Variants in PAIP2 observed in about 807,000 individuals in gnomAD.
PAIP2 encodes the protein poly(A) binding protein interacting protein 2, also known as polyadenylate-binding protein-interacting protein 2.
In PAIP2, 7 loss-of-function variants were observed where a neutral mutation model predicts 14.8. The ratio of observed to expected loss-of-function variants is 0.47; its 90% CI spans 0.27 to 0.89. PAIP2 has a LOEUF of 0.89. PAIP2 is among the 40% of genes least tolerant of loss of function. The pLI is 0.13. For synonymous variants in PAIP2, 47 were observed against 45.3 expected, an observed-to-expected ratio of 1.04 and a Z score of -0.15; for missense variants, 122 against 154.7, an observed-to-expected ratio of 0.79 and a Z score of 1.12.
chr5:139,366,858 C>T (rs575682963), intron 3 of PAIP2, among the ~76,000 whole-genome samples: 2 of 152,128 alleles, frequency 1.3e-5, no homozygotes, highest in South Asian at 2.1e-4. Context: ...CCCAGGAGTT[C>T]GAGACCAGCC....
chr5:139,363,833 G>A lies in PAIP2; in HGVS notation c.49G>A (p.Asp17Asn), dbSNP rs1351214536. The A allele has an allele frequency of 6.2e-7, 1 of 1,614,068 alleles. No individual in the cohort carries two copies. The change falls in exon 2 of 4, where the codon GAT (aspartate) becomes AAT (asparagine). Residue 17 changes from aspartate (D) to asparagine (N), a missense_variant. By Grantham distance (23) the Asp-to-Asn change is conservative. Coordinates refer to ENST00000265192, the MANE Select transcript of PAIP2 (RefSeq NM_016480.5). ...TACTAGCCCAAGCATCATCAATGAA[G>A]ATGTGATTATTAACGGTCATTCTCA... Reference protein sequence around the residue: ...SSTSPSIINEDVIINGHSHED... With the variant: ...SSTSPSIINENVIINGHSHED...
intron 1 of PAIP2, among the ~76,000 whole-genome samples, chr5:139,352,515 G>GTTTTTTTTTTTC (rs1756776842): frequency 3.5e-5 from 1 of 28,912 alleles, no homozygotes; most frequent in Admixed American, 3.7e-4. Flanking sequence ...TTTTTTTTTT[G>GTTTTTTTTTTTC]AGATGGAGTT....
chr5:139,349,491 C>T (rs1358171894), intron 1 of PAIP2, among the ~76,000 whole-genome samples: 4 of 152,134 alleles, frequency 2.6e-5, no homozygotes, highest in African/African-American at 4.8e-5. Flanking sequence ...TTGTGATCCA[C>T]GCGCCTCAGC....
At chr5:139,355,261 T>G (rs550193800) in intron 1 of PAIP2, among the ~76,000 whole-genome samples, 4 of 151,138 alleles carry the variant, frequency 2.6e-5, no homozygotes, top group African/African-American at 9.7e-5. Context: ...CCTCCACTTC[T>G]TGGGTTCAAG....
chr5:139,355,905 C>T (rs1756895915), intron 1 of PAIP2, among the ~76,000 whole-genome samples: 2 of 149,184 alleles, frequency 1.3e-5, no homozygotes, highest in African/African-American at 5.0e-5. Flanking sequence ...AATCCTAGCA[C>T]TTTGGGAGGC....
At position 139,368,948 on chromosome 5, in the gene PAIP2, C is replaced by T. The variant is rs1328092278; in HGVS notation, c.*150C>T. 8.7e-6 allele frequency: 5 copies of T among 573,712 alleles called. No homozygotes were observed. The allele number at this position is 573,712 out of a possible 1,614,324, so 35.5% of individuals were successfully genotyped here. ...TAGTCTTGCATGCTTAATAAAAGTGCTGAGACTGTTACTAAGTAAAAAGCT... is the reference window on the plus strand; with the variant it reads ...TAGTCTTGCATGCTTAATAAAAGTGTTGAGACTGTTACTAAGTAAAAAGCT... On this transcript the variant is annotated 3_prime_UTR_variant, in exon 4 of 4. Coordinates refer to ENST00000265192, the MANE Select transcript of PAIP2 (RefSeq NM_016480.5).
chr5:139,368,206 TGG>T (rs1459103846), intron 3 of PAIP2, among the ~76,000 whole-genome samples: 1 of 151,890 alleles, frequency 6.6e-6, no homozygotes, highest in Non-Finnish European at 1.5e-5. Context: ...GGCGTGGCGG[TGG>T]GCGCCTGTAG....
chr5:139,350,192 A>AG (rs921013435), intron 1 of PAIP2, among the ~76,000 whole-genome samples: 4 of 151,744 alleles, frequency 2.6e-5, no homozygotes, highest in African/African-American at 9.7e-5. Context: ...AAAAAAAAAA[A>AG]GTTAATTCCT....
chr5:139,367,426 A>G (rs546815077), intron 3 of PAIP2: 2 of 152,308 alleles, frequency 1.3e-5, no homozygotes, highest in South Asian at 2.1e-4. Flanking sequence ...GAGACATAGC[A>G]TAACATTGGT....
intron 1 of PAIP2, among the ~76,000 whole-genome samples, chr5:139,345,515 A>G (rs1441739097): frequency 6.6e-6 from 1 of 152,196 alleles, no homozygotes; most frequent in African/African-American, 2.4e-5. Flanking sequence ...ATTAAAAAAT[A>G]TGCAAATAAG....
intron 1 of PAIP2, among the ~76,000 whole-genome samples, chr5:139,349,547 C>T (rs1453164930): frequency 6.6e-6 from 1 of 151,844 alleles, no homozygotes; most frequent in Non-Finnish European, 1.5e-5. Flanking sequence ...GCCTCCTGCC[C>T]TTGGAGTACA....
chr5:139,369,689 T>C lies in PAIP2; in HGVS notation c.*891T>C, dbSNP rs1757533352. 6.6e-6 allele frequency: 1 copy of C among 152,596 alleles called. No individual in the cohort carries two copies. Among genetic ancestry groups the C allele is most frequent in the Non-Finnish European group, 1.5e-5 (1 of 68,034 alleles). The allele number at this position is 152,596 out of a possible 1,614,324, so 9.5% of individuals were successfully genotyped here. A position where few individuals can be genotyped will look rare whatever the true frequency, so the allele number is the denominator to read the frequency against. ...AAAAAATTATATTTTTTCAAAAATA[T>C]TTAAAAAAATAAATAATAGTAGAAC... On this transcript the variant is annotated 3_prime_UTR_variant, in exon 4 of 4. Transcript: ENST00000265192.
chr5:139,350,144 C>G (rs1756682164), intron 1 of PAIP2, among the ~76,000 whole-genome samples: 1 of 149,674 alleles, frequency 6.7e-6, no homozygotes, highest in African/African-American at 2.5e-5. Flanking sequence ...CACTGCACTC[C>G]AGCCTGGGCA....
At chr5:139,347,268 CTTTTTTT>C (rs34018719) in intron 1 of PAIP2, among the ~76,000 whole-genome samples, 2 of 105,884 alleles carry the variant, frequency 1.9e-5, no homozygotes, top group African/African-American at 3.7e-5. Flanking sequence ...CATGTTACAA[CTTTTTTT>C]TTTTTTTTTT....
chr5:139,343,211 A>G (rs186602101), intron 1 of PAIP2: 31 of 152,342 alleles, frequency 2.0e-4, no homozygotes, highest in Admixed American at 1.8e-3. Context: ...TTTGGGGAAA[A>G]TTAGTCTGTT....
At chr5:139,364,097 A>T (rs2152054932) in intron 2 of PAIP2, 175 bp downstream of exon 2, 2 of 608,920 alleles carry the variant, frequency 3.3e-6, no homozygotes, top group Non-Finnish European at 2.8e-6. Flanking sequence ...TTACGGAAAT[A>T]ACCTGGGGAG....
At chr5:139,348,079 G>T (rs536816437) in intron 1 of PAIP2, among the ~76,000 whole-genome samples, 1 of 149,932 alleles carries the variant, frequency 6.7e-6, no homozygotes, top group Non-Finnish European at 1.5e-5. Flanking sequence ...TCAGGAGGCA[G>T]AGGTTGCAGT....
chr5:139,345,557 A>G (rs1010630259), intron 1 of PAIP2, among the ~76,000 whole-genome samples: 11 of 152,190 alleles, frequency 7.2e-5, no homozygotes, highest in Non-Finnish European at 1.5e-4. Flanking sequence ...AACAGAGTCC[A>G]AGGGAATGAG....
chr5:139,346,351 C>T (rs1195222348), intron 1 of PAIP2, among the ~76,000 whole-genome samples: 1 of 152,206 alleles, frequency 6.6e-6, no homozygotes, highest in African/African-American at 2.4e-5. Context: ...CAGTGATTCT[C>T]CTGCCTCAGC....
Sources: gnomAD v4.1 joint callset for allele counts (sites outside exome capture counted in the v4.1 genomes callset) on GRCh38, gnomAD v4.1.1 for gene constraint, MANE v1.5 for transcripts, NCBI Gene and HGNC (gene_info 2026-07-23, HGNC 2026-07-21) for gene names.